The following PLEKHM3 variants were observed in gnomAD, a reference collection of about 807,000 sequenced individuals.
The protein encoded by PLEKHM3 is pleckstrin homology domain-containing family M member 3.
A neutral mutation model predicts 81.8 loss-of-function variants in PLEKHM3; 45 were observed. The observed-to-expected ratio is 0.55, with a 90% CI of 0.43 to 0.71. The LOEUF (loss-of-function observed/expected upper bound fraction) is 0.71. Among genes scored for constraint, PLEKHM3 ranks in the 30% least tolerant of loss-of-function variants. PLEKHM3 has a pLI of 0.00. For synonymous variants in PLEKHM3, 352 were observed against 356.4 expected, an observed-to-expected ratio of 0.99 and a Z score of 0.14; for missense variants, 788 against 924.3, an observed-to-expected ratio of 0.85 and a Z score of 1.91.
At chr2:207,877,683 A>G (rs1178909555) in intron 6 of PLEKHM3, among the ~76,000 whole-genome samples, 1 of 152,214 alleles carries the variant, frequency 6.6e-6, no homozygotes, top group Non-Finnish European at 1.5e-5. Context: ...AGTATAACAC[A>G]TATAAGGTAA....
At chr2:207,957,174 A>G (rs995093501) in intron 3 of PLEKHM3, among the ~76,000 whole-genome samples, 27 of 152,180 alleles carry the variant, frequency 1.8e-4, no homozygotes, top group Non-Finnish European at 2.9e-4. Flanking sequence ...ATTTAATCCA[A>G]AAAACATAGT....
intron 1 of PLEKHM3, among the ~76,000 whole-genome samples, chr2:208,008,008 GCA>G (rs1246420332): frequency 3.3e-5 from 5 of 152,090 alleles, no homozygotes; most frequent in Non-Finnish European, 7.4e-5. Flanking sequence ...AGCCAAGATT[GCA>G]CCACTGCACT....
intron 1 of PLEKHM3, among the ~76,000 whole-genome samples, chr2:208,013,828 T>C (rs890000159): frequency 2.0e-5 from 3 of 152,204 alleles, no homozygotes; most frequent in Admixed American, 1.3e-4. Context: ...CTTAAAACTT[T>C]AACCTTCAAA....
rs149143174 is a variant in PLEKHM3, at chr2:207,951,940, G to C, written c.1547-5428C>G. 2.7e-3 allele frequency among the ~76,000 whole-genome samples: 416 copies of C among 152,288 alleles called. 6 individuals are homozygous for C. The highest frequency in any genetic ancestry group is 9.5e-3 in the African/African-American group (395 of 41,550). ...TAAGAGGGAAGAATGAGAAAGCTGT[G>C]GCTGGATCCAACTGAATCTCTCTCA... On this transcript the variant is annotated intron_variant, in intron 3 of 7. Coordinates refer to ENST00000427836, the MANE Select transcript of PLEKHM3 (RefSeq NM_001080475.3).
At chr2:207,874,503 G>A (rs2092550988) in intron 6 of PLEKHM3, among the ~76,000 whole-genome samples, 1 of 152,018 alleles carries the variant, frequency 6.6e-6, no homozygotes, top group Non-Finnish European at 1.5e-5. Flanking sequence ...GAACCTGGGA[G>A]GCGGAGGTTG....
intron 6 of PLEKHM3, among the ~76,000 whole-genome samples, chr2:207,864,846 T>G (rs1344284778): frequency 6.6e-6 from 1 of 152,248 alleles, no homozygotes; most frequent in Non-Finnish European, 1.5e-5. Context: ...TATCTCCATT[T>G]TATTAAATCT....
chr2:207,933,684 G>T (rs576626885), intron 4 of PLEKHM3, among the ~76,000 whole-genome samples: 1 of 152,308 alleles, frequency 6.6e-6, no homozygotes, highest in East Asian at 1.9e-4. Context: ...CTTTTACAGA[G>T]AAAGTAAAAG....
At position 207,911,359 on chromosome 2, in the gene PLEKHM3, C is replaced by T. The variant is rs1574398121; in HGVS notation, c.1887-2782G>A. On this transcript the variant is annotated intron_variant, in intron 5 of 7. Transcript: ENST00000427836. ...TACTTCCACAGTTCCTAACATTTCT[C>T]TGTATTTGTAAAATGTCCTTACCTT... Among the ~76,000 whole-genome samples the T allele has an allele frequency of 2.0e-5, 3 of 152,324 alleles. No individual in the cohort carries two copies. In the South Asian group the frequency reaches 6.2e-4, roughly 32 times the overall value.
At chr2:208,016,616 C>T (rs758848235) in intron 1 of PLEKHM3, among the ~76,000 whole-genome samples, 15 of 143,026 alleles carry the variant, frequency 1.0e-4, no homozygotes, top group Non-Finnish European at 2.3e-4. Context: ...AGCCACTGTA[C>T]TCCAACCTGG....
At chr2:207,966,455 G>A (rs1310280114) in intron 3 of PLEKHM3, among the ~76,000 whole-genome samples, 1 of 152,222 alleles carries the variant, frequency 6.6e-6, no homozygotes, top group Non-Finnish European at 1.5e-5. Flanking sequence ...TCAAACATGA[G>A]GGGATAATAC....
At chr2:207,849,657 G>A (rs1338147980) in intron 7 of PLEKHM3, among the ~76,000 whole-genome samples, 1 of 152,198 alleles carries the variant, frequency 6.6e-6, no homozygotes, top group African/African-American at 2.4e-5. Context: ...GCAGGCTTAT[G>A]CTGTCATCAG....
Position 207,822,115 on chromosome 2 carries a change from C to G in PLEKHM3, c.*6204G>C, listed in dbSNP as rs1466460382. On this transcript the variant is annotated 3_prime_UTR_variant, in exon 8 of 8. Transcript: ENST00000427836. ...GCACATGCCACCATGCCCAGCGTAA[C>G]AGTAAGATTCTGATAGGTGACCAAA... 1 of 152,150 alleles carries G rather than the reference C, an allele frequency of 6.6e-6. No homozygotes were observed. The highest frequency in any genetic ancestry group is 1.5e-5 in the Non-Finnish European group (1 of 68,060). The allele number at this position is 152,150 out of a possible 1,614,324, so 9.4% of individuals were successfully genotyped here. A position where few individuals can be genotyped will look rare whatever the true frequency, so the allele number is the denominator to read the frequency against.
intron 6 of PLEKHM3, among the ~76,000 whole-genome samples, chr2:207,864,864 T>C (rs2092487161): frequency 6.6e-6 from 1 of 152,354 alleles, no homozygotes; most frequent in African/African-American, 2.4e-5. Flanking sequence ...TCTTCACTTA[T>C]TATTGCTTAA....
chr2:207,829,946 AG>A (rs1209015417), intron 7 of PLEKHM3, among the ~76,000 whole-genome samples: 2 of 152,162 alleles, frequency 1.3e-5, no homozygotes, highest in Non-Finnish European at 2.9e-5. Flanking sequence ...GCTTAGTGAA[AG>A]GAAGATCTTC....
chr2:207,889,132 C>T (rs1010019429), intron 6 of PLEKHM3, among the ~76,000 whole-genome samples: 3 of 152,072 alleles, frequency 2.0e-5, no homozygotes, highest in African/African-American at 4.8e-5. Flanking sequence ...CACTTTGTCA[C>T]CAAAATAGGG....
intron 1 of PLEKHM3, among the ~76,000 whole-genome samples, chr2:208,017,496 A>G (rs1261697943): frequency 6.6e-6 from 1 of 152,176 alleles, no homozygotes; most frequent in Non-Finnish European, 1.5e-5. Context: ...GTGGTCTTGG[A>G]AAGGAGGGAT....
intron 3 of PLEKHM3, among the ~76,000 whole-genome samples, chr2:207,953,347 G>A (rs951841225): frequency 1.1e-4 from 16 of 152,034 alleles, no homozygotes; most frequent in African/African-American, 3.9e-4. Context: ...TGTACTGATG[G>A]TTGTTTCCAA....
chr2:207,859,164 T>A (rs190640189), intron 7 of PLEKHM3, among the ~76,000 whole-genome samples: 331 of 117,740 alleles, frequency 2.8e-3, no homozygotes, highest in Middle Eastern at 5.0e-3. Flanking sequence ...TGAGATGGAG[T>A]TTCACTTTTG....
At chr2:207,954,179 C>A (rs1041771571) in intron 3 of PLEKHM3, among the ~76,000 whole-genome samples, 4 of 151,914 alleles carry the variant, frequency 2.6e-5, no homozygotes, top group African/African-American at 9.7e-5. Context: ...AGAGTGAGGC[C>A]CCATTTTTTC....
Sources: allele counts gnomAD v4.1 joint callset (sites outside exome capture counted in the v4.1 genomes callset), GRCh38; gene constraint gnomAD v4.1.1; transcripts MANE v1.5; gene names NCBI Gene and HGNC (gene_info 2026-07-23, HGNC 2026-07-21).